SMIM44: variants seen among roughly 807,000 people sequenced by gnomAD.
SMIM44 encodes the protein small integral membrane protein 44.
chr19:3,482,918 C>A, the SMIM44 span: 1 of 398,198 alleles, frequency 2.5e-6, no homozygotes, highest in Non-Finnish European at 4.4e-6. Context: ...CCTCCCCACC[C>A]CCGCCGGCGT....
At chr19:3,482,841 G>T in the SMIM44 span, 1 of 398,120 alleles carries the variant, frequency 2.5e-6, no homozygotes, top group Non-Finnish European at 4.4e-6. Flanking sequence ...GCTTCGGGAT[G>T]GGGGGTCCTT....
the SMIM44 span, chr19:3,482,882 G>A: frequency 5.0e-6 from 2 of 397,668 alleles, no homozygotes; most frequent in Admixed American, 4.4e-5. Context: ...GGGGCTCCGG[G>A]GGAGGCGGGG....
the SMIM44 span, among the ~76,000 whole-genome samples, chr19:3,482,322 C>A: frequency 6.6e-6 from 1 of 152,152 alleles, no homozygotes; most frequent in Non-Finnish European, 1.5e-5. Context: ...GGGGCAGGAC[C>A]CGCCTTGGAG....
chr19:3,482,751 G>C, the SMIM44 span: 1 of 397,542 alleles, frequency 2.5e-6, no homozygotes, highest in Non-Finnish European at 4.4e-6. Flanking sequence ...GCTCCGGCGC[G>C]CGTAAGTTCT....
At chr19:3,483,423 G>C in the SMIM44 span, 1 of 397,630 alleles carries the variant, frequency 2.5e-6, no homozygotes, top group African/African-American at 2.1e-5. Flanking sequence ...CCGGCACAGG[G>C]GAGGCCCGGA....
At chr19:3,483,223 C>A in the SMIM44 span, 1 of 398,570 alleles carries the variant, frequency 2.5e-6, no homozygotes, top group South Asian at 1.3e-4. Flanking sequence ...TGGGCGAGGT[C>A]TTTGATGAGG....
chr19:3,482,993 G>A, the SMIM44 span: 2 of 398,334 alleles, frequency 5.0e-6, no homozygotes, highest in Admixed American at 8.8e-5. Context: ...CGCCGGTCAG[G>A]CTGGGGCGCA....
the SMIM44 span, chr19:3,483,151 C>G: frequency 2.5e-6 from 1 of 398,426 alleles, no homozygotes; most frequent in Non-Finnish European, 4.4e-6. Flanking sequence ...GACCACCCAC[C>G]CAGGGTGACC....
the SMIM44 span, among the ~76,000 whole-genome samples, chr19:3,482,516 C>T: frequency 2.0e-5 from 3 of 152,242 alleles, no homozygotes; most frequent in African/African-American, 7.2e-5. Flanking sequence ...CTGCTCTGCA[C>T]AGCAGCAGGT....
At chr19:3,482,541 C>T in the SMIM44 span, among the ~76,000 whole-genome samples, 2 of 152,216 alleles carry the variant, frequency 1.3e-5, no homozygotes, top group Admixed American at 6.5e-5. Flanking sequence ...GCTAAGCACT[C>T]GGTAAGGTTG....
the SMIM44 span, among the ~76,000 whole-genome samples, chr19:3,482,411 C>G: frequency 6.6e-6 from 1 of 152,228 alleles, no homozygotes; most frequent in Non-Finnish European, 1.5e-5. Flanking sequence ...TTGGCGAAGC[C>G]ACTTCATCAC....
the SMIM44 span, chr19:3,483,399 G>A: frequency 7.5e-6 from 3 of 397,904 alleles, no homozygotes; most frequent in Non-Finnish European, 1.3e-5. Flanking sequence ...CGCCAGCCCC[G>A]GCATGGTGTC....
chr19:3,483,390 G>A, the SMIM44 span: 6 of 397,824 alleles, frequency 1.5e-5, no homozygotes, highest in Non-Finnish European at 2.2e-5. Context: ...CCCCTCGGCC[G>A]CCAGCCCCGG....
the SMIM44 span, among the ~76,000 whole-genome samples, chr19:3,482,224 A>C: frequency 6.6e-6 from 1 of 152,232 alleles, no homozygotes; most frequent in East Asian, 1.9e-4. Flanking sequence ...TTAGGAAGTC[A>C]GGACCACCCC....
chr19:3,483,399 G>C, the SMIM44 span: 1 of 397,786 alleles, frequency 2.5e-6, no homozygotes, highest in Non-Finnish European at 4.4e-6. Context: ...CGCCAGCCCC[G>C]GCATGGTGTC....
the SMIM44 span, chr19:3,482,990 C>A: frequency 2.5e-6 from 1 of 398,416 alleles, no homozygotes; most frequent in Non-Finnish European, 4.4e-6. Flanking sequence ...CCTCGCCGGT[C>A]AGGCTGGGGC....
the SMIM44 span, chr19:3,483,084 G>T: frequency 2.5e-6 from 1 of 398,440 alleles, no homozygotes. Context: ...GCAACTCCCC[G>T]GCCCCGGCCA....
chr19:3,482,599 C>T, the SMIM44 span, among the ~76,000 whole-genome samples: 1 of 152,226 alleles, frequency 6.6e-6, no homozygotes, highest in Non-Finnish European at 1.5e-5. Context: ...TTCTAATTCA[C>T]AGTTTGCTGA....
At chr19:3,483,265 C>A in the SMIM44 span, 2 of 398,494 alleles carry the variant, frequency 5.0e-6, no homozygotes, top group Non-Finnish European at 8.9e-6. Context: ...ACGGCCACCA[C>A]CACCAGCGCG....
Sources: gnomAD v4.1 joint callset for allele counts (sites outside exome capture counted in the v4.1 genomes callset) on GRCh38, gnomAD v4.1.1 for gene constraint, MANE v1.5 for transcripts, NCBI Gene and HGNC (gene_info 2026-07-23, HGNC 2026-07-21) for gene names.